Variants in TPRG1 observed in about 807,000 individuals in gnomAD.
The protein encoded by TPRG1 is tumor protein p63-regulated gene 1 protein.
A neutral mutation model predicts 29.3 loss-of-function variants in TPRG1; 29 were observed. The observed-to-expected ratio is 0.99, with a 90% CI of 0.74 to 1.35. TPRG1 has a LOEUF of 1.35. Ranked by LOEUF, TPRG1 falls within the 40% of genes most tolerant of loss-of-function variation. The probability of loss-of-function intolerance (pLI) is 0.00; values close to 1 mark genes in which losing one functional copy is unlikely to be tolerated. For missense variants in TPRG1, 327 were observed against 335.0 expected, an observed-to-expected ratio of 0.98 and a Z score of 0.19; for synonymous variants, 130 against 116.8, an observed-to-expected ratio of 1.11 and a Z score of -0.73.
At chr3:189,282,472 T>A (rs1487629454) in intron 4 of TPRG1, among the ~76,000 whole-genome samples, 1 of 152,130 alleles carries the variant, frequency 6.6e-6, no homozygotes, top group African/African-American at 2.4e-5. Context: ...TTGTGCCTCA[T>A]TTTTTGTCCC....
At chr3:189,159,972 G>T (rs1235098649) in intron 5 of TPRG1, among the ~76,000 whole-genome samples, 2 of 151,910 alleles carry the variant, frequency 1.3e-5, no homozygotes, top group Admixed American at 6.6e-5. Context: ...CTCAGAGATT[G>T]TCACTCTATG....
intron 3 of TPRG1, among the ~76,000 whole-genome samples, chr3:189,137,151 G>A (rs1723851885): frequency 6.6e-6 from 1 of 152,172 alleles, no homozygotes; most frequent in Non-Finnish European, 1.5e-5. Context: ...CGCCTGCTTT[G>A]CAATCATTGG....
intron 4 of TPRG1, among the ~76,000 whole-genome samples, chr3:189,278,316 C>T (rs896149414): frequency 1.9e-4 from 29 of 151,432 alleles, no homozygotes; most frequent in African/African-American, 6.9e-4. Context: ...CTCGAGTGCC[C>T]TGGGTGGAGA....
chr3:189,207,707 G>A (rs776271254), intron 2 of TPRG1, 113 bp downstream of exon 2: 76 of 988,976 alleles, frequency 7.7e-5, no homozygotes, highest in East Asian at 3.2e-4. Flanking sequence ...TCATGTAATC[G>A]TCATAATAAT....
At chr3:189,136,556 T>G (rs1723768873) in intron 3 of TPRG1, among the ~76,000 whole-genome samples, 1 of 152,178 alleles carries the variant, frequency 6.6e-6, no homozygotes, top group Admixed American at 6.5e-5. Context: ...ACTCCTGGCT[T>G]CAATTAACAA....
chr3:189,051,872 T>C (rs1255171956), intron 4 of TPRG1, among the ~76,000 whole-genome samples: 1 of 152,210 alleles, frequency 6.6e-6, no homozygotes, highest in Non-Finnish European at 1.5e-5. Context: ...CAAATGGTGC[T>C]GGAGTGATTG....
upstream of TPRG1, among the ~76,000 whole-genome samples, chr3:189,168,746 C>A (rs1728452462): frequency 6.6e-6 from 1 of 152,120 alleles, no homozygotes. Flanking sequence ...TCCTCTTTCC[C>A]AAAAGACTCC....
chr3:189,140,469 T>C (rs1036044711), intron 3 of TPRG1, among the ~76,000 whole-genome samples: 1 of 152,190 alleles, frequency 6.6e-6, no homozygotes, highest in Non-Finnish European at 1.5e-5. Context: ...AAATCATTGC[T>C]ATTACTTAGT....
chr3:189,156,284 G>T (rs886855618), intron 5 of TPRG1, among the ~76,000 whole-genome samples: 1 of 151,586 alleles, frequency 6.6e-6, no homozygotes, highest in Non-Finnish European at 1.5e-5. Context: ...AAAAATCAAA[G>T]AAAAGGTTTT....
intron 4 of TPRG1, among the ~76,000 whole-genome samples, chr3:189,251,671 G>C (rs1579044016): frequency 6.6e-6 from 1 of 152,212 alleles, no homozygotes. Context: ...AAAGAATTAA[G>C]TGCTGTGCTT....
In TPRG1 at chr3:189,017,915, C is replaced by T. The variant is rs1416617722; in HGVS notation, c.-659-5835C>T. ...TGTTGTTTCCTGACTTTTTAATGATCGCCATTCTAACTGGTGTGAGATGGT... is the reference window on the plus strand; with the variant it reads ...TGTTGTTTCCTGACTTTTTAATGATTGCCATTCTAACTGGTGTGAGATGGT... On this transcript the variant is annotated intron_variant, in intron 3 of 10. Coordinates refer to the TPRG1 transcript ENST00000433971. Among the ~76,000 whole-genome samples, 549 of 149,818 alleles carry T rather than the reference C, an allele frequency of 3.7e-3. 3 individuals carry two copies. The highest frequency in any genetic ancestry group is 0.011 in the African/African-American group (467 of 40,752).
rs537972760 is a variant in TPRG1 at position 189,021,033 on chromosome 3, G to A, written c.-659-2717G>A. Among the ~76,000 whole-genome samples, 26 of 149,450 alleles carry A rather than the reference G, an allele frequency of 1.7e-4. No individual in the cohort carries two copies. In the East Asian group the frequency reaches 5.1e-3, roughly 29 times the overall value. ...TCTTTGTTGGTTTAAAGTCTGTTTT[G>A]TCAGAGACTAGGATTGCAACCCCTG... On this transcript the variant is annotated intron_variant, in intron 3 of 10. Coordinates refer to the TPRG1 transcript ENST00000433971.
At chr3:188,997,240 C>CA (rs1178935706) in intron 1 of TPRG1, among the ~76,000 whole-genome samples, 6 of 152,182 alleles carry the variant, frequency 3.9e-5, no homozygotes, top group Middle Eastern at 3.4e-3. Flanking sequence ...TCCTTCTATG[C>CA]ATTTTTTTCT....
intron 2 of TPRG1, chr3:189,212,077 G>A (rs1208459865): frequency 6.6e-6 from 1 of 151,934 alleles, no homozygotes; most frequent in Non-Finnish European, 1.5e-5. Context: ...GTCCACATGG[G>A]GAAAGATATT....
intron 3 of TPRG1, among the ~76,000 whole-genome samples, chr3:189,008,620 T>C (rs936503983): frequency 1.3e-5 from 2 of 152,146 alleles, no homozygotes; most frequent in Admixed American, 6.6e-5. Flanking sequence ...AAGCAGTATT[T>C]TTTACTGTCT....
At chr3:189,254,335 G>A (rs764618543) in intron 4 of TPRG1, among the ~76,000 whole-genome samples, 21 of 152,256 alleles carry the variant, frequency 1.4e-4, no homozygotes, top group Admixed American at 3.3e-4. Flanking sequence ...GGCTGTAGAT[G>A]TATGGTGTTA....
chr3:189,310,328 A>ATTTTTT, intron 4 of TPRG1, 58 bp from the exon 5 acceptor site: 2 of 1,197,926 alleles, frequency 1.7e-6, no homozygotes, highest in Admixed American at 2.6e-5. Context: ...ATTACATTCT[A>ATTTTTT]TTTTTTTTTT....
chr3:189,160,956 T>C (rs1212784492), intron 5 of TPRG1, among the ~76,000 whole-genome samples: 2 of 152,204 alleles, frequency 1.3e-5, no homozygotes, highest in African/African-American at 4.8e-5. Flanking sequence ...GAGGCAAAAT[T>C]GAAAAGGTGC....
chr3:189,017,641 T>C (rs1713022264), intron 3 of TPRG1, among the ~76,000 whole-genome samples: 1 of 152,220 alleles, frequency 6.6e-6, no homozygotes, highest in Admixed American at 6.5e-5. Context: ...GTTGGACATT[T>C]GGGTTGGTTC....
Sources: allele counts gnomAD v4.1 joint callset (sites outside exome capture counted in the v4.1 genomes callset), GRCh38; gene constraint gnomAD v4.1.1; transcripts MANE v1.5; gene names NCBI Gene and HGNC (gene_info 2026-07-23, HGNC 2026-07-21).